The following USP8 variants were observed in gnomAD, a reference collection of about 807,000 sequenced individuals.
USP8 encodes ubiquitin specific peptidase 8, also known as ubiquitin carboxyl-terminal hydrolase 8.
Under a neutral mutation model 130.0 loss-of-function variants are expected in USP8, and 27 were observed. The ratio of observed to expected loss-of-function variants is 0.21; its 90% CI spans 0.15 to 0.29. The LOEUF is 0.29. Among genes scored for constraint, USP8 ranks in the 10% least tolerant of loss-of-function variants. The probability of loss-of-function intolerance (pLI) is 1.00; values close to 1 mark genes in which losing one functional copy is unlikely to be tolerated. For missense variants in USP8, 1,029 were observed against 1,312.2 expected, an observed-to-expected ratio of 0.78 and a Z score of 3.33; for synonymous variants, 392 against 444.1, an observed-to-expected ratio of 0.88 and a Z score of 1.48.
chr15:50,456,044 C>A (rs1252666978), intron 4 of USP8, among the ~76,000 whole-genome samples: 1 of 152,140 alleles, frequency 6.6e-6, no homozygotes, highest in Non-Finnish European at 1.5e-5. Flanking sequence ...TTTTCCAATG[C>A]CTTCAGGTAG....
intron 2 of USP8, among the ~76,000 whole-genome samples, chr15:50,439,822 ATAATAAT>A (rs1252344725): frequency 1.0e-4 from 13 of 127,994 alleles, no homozygotes; most frequent in African/African-American, 3.8e-4. Context: ...AATAATAATA[ATAATAAT>A]TTTTTTTTTC....
At chr15:50,433,338 A>G (rs1344157533) in intron 1 of USP8, among the ~76,000 whole-genome samples, 5 of 152,218 alleles carry the variant, frequency 3.3e-5, no homozygotes, top group Admixed American at 2.6e-4. Context: ...GAAGATACTT[A>G]TGTTGAGTAT....
intron 7 of USP8, among the ~76,000 whole-genome samples, chr15:50,471,153 G>A (rs2051363863): frequency 6.6e-6 from 1 of 152,168 alleles, no homozygotes; most frequent in Admixed American, 6.5e-5. Flanking sequence ...AGTTCAATGA[G>A]AATAAAGCAT....
chr15:50,485,220 C>T (rs2051913562), intron 12 of USP8, among the ~76,000 whole-genome samples: 2 of 151,850 alleles, frequency 1.3e-5, no homozygotes. Context: ...CCCAGGCAGG[C>T]AGATCACGAG....
At chr15:50,478,598 C>T (rs967335416) in intron 10 of USP8, among the ~76,000 whole-genome samples, 3 of 152,142 alleles carry the variant, frequency 2.0e-5, no homozygotes, top group Non-Finnish European at 4.4e-5. Flanking sequence ...GATTAAACAA[C>T]TTTTCTTAAA....
At chr15:50,438,932 GA>G (rs2050164838) in intron 1 of USP8, 76 bp from the exon 2 acceptor site, 2 of 581,464 alleles carry the variant, frequency 3.4e-6, no homozygotes, top group African/African-American at 1.9e-5. Context: ...TATGGTTTAG[GA>G]ATTTTTTTTT....
At chr15:50,498,540 A>G in intron 18 of USP8, 56 bp from the exon 19 acceptor site, 1 of 1,503,366 alleles carries the variant, frequency 6.7e-7, no homozygotes, top group Non-Finnish European at 8.9e-7. Context: ...TTAATGAATG[A>G]GGATTCATCC....
At position 50,506,750 on chromosome 15, in the gene USP8, G is replaced by C. The variant is rs1206314440; in HGVS notation, c.*7662G>C. On this transcript the variant is annotated 3_prime_UTR_variant, in exon 20 of 20. Coordinates refer to ENST00000307179, the MANE Select transcript of USP8 (RefSeq NM_005154.5). The stretch of plus-strand genomic sequence containing the variant: ...CGAGGGGGGCGGATCACGAGGTCAG[G>C]AGATCAAGACTATCCTGGCCAACAC... The C allele has an allele frequency of 6.6e-6, 1 of 151,570 alleles. No individual in the cohort carries two copies. Among genetic ancestry groups the C allele is most frequent in the South Asian group, 2.1e-4 (1 of 4,796 alleles). The allele number at this position is 151,570 out of a possible 1,614,324, so 9.4% of individuals were successfully genotyped here.
At chr15:50,468,816 C>T (rs1482242766) in intron 7 of USP8, among the ~76,000 whole-genome samples, 2 of 151,854 alleles carry the variant, frequency 1.3e-5, no homozygotes, top group African/African-American at 4.8e-5. Context: ...GTATATATAC[C>T]GAAGTACTCC....
At chr15:50,424,571 C>G (rs1183170291) in intron 1 of USP8, 57 bp downstream of exon 1, 2 of 398,318 alleles carry the variant, frequency 5.0e-6, no homozygotes, top group Non-Finnish European at 8.8e-6. Context: ...CCGCTGTGAA[C>G]GATGAACGCC....
At chr15:50,427,113 A>G (rs765123777) in intron 1 of USP8, among the ~76,000 whole-genome samples, 1 of 151,412 alleles carries the variant, frequency 6.6e-6, no homozygotes, top group Non-Finnish European at 1.5e-5. Flanking sequence ...TAATTTTTGT[A>G]TTTTTAGTAG....
chr15:50,484,175 C>T, intron 11 of USP8, 100 bp from the exon 12 acceptor site: 5 of 836,786 alleles, frequency 6.0e-6, no homozygotes, highest in Admixed American at 3.4e-5. Context: ...TCTCCTTTTA[C>T]ATTTTCATTC....
intron 3 of USP8, among the ~76,000 whole-genome samples, chr15:50,448,173 A>C (rs1334734436): frequency 6.6e-6 from 1 of 152,208 alleles, no homozygotes; most frequent in South Asian, 2.1e-4. Context: ...GCAGCTCTTC[A>C]TGACTGAGAG....
Position 50,484,311 on chromosome 15 carries a change from C to T in USP8, c.1840C>T (p.Leu614=), listed in dbSNP as rs745444234. Residue 614 remains leucine (L), a synonymous_variant, in exon 12 of 20, where the codon CTA becomes TTA. Coordinates refer to ENST00000307179, the MANE Select transcript of USP8 (RefSeq NM_005154.5). The stretch of plus-strand genomic sequence containing the variant: ...TAAAGGACAACCAGAAAGTGGAATT[C>T]TAAGGACAGGAACTTTTAGAGAGGA... ...KIKGQPESGI[L]RTGTFREDTD... is the part of the protein sequence containing the mutation. 9.3e-6 allele frequency: 15 copies of T among 1,611,502 alleles called. No homozygotes were observed. The highest frequency in any genetic ancestry group is 1.3e-5 in the Non-Finnish European group (15 of 1,179,074).
chr15:50,483,570 G>A (rs374841080), intron 11 of USP8, among the ~76,000 whole-genome samples: 2 of 152,154 alleles, frequency 1.3e-5, no homozygotes, highest in Admixed American at 6.5e-5. Flanking sequence ...CTAGACGAGC[G>A]GATCACTTGG....
At chr15:50,446,237 A>G (rs1335375425) in intron 3 of USP8, among the ~76,000 whole-genome samples, 1 of 152,192 alleles carries the variant, frequency 6.6e-6, no homozygotes, top group East Asian at 1.9e-4. Flanking sequence ...GTCAATTATC[A>G]TACTATTGAA....
rs764714215 is a variant in USP8, at chr15:50,494,195, A to G, written c.2573A>G (p.Asn858Ser). 12 of 1,613,904 alleles carry G rather than the reference A, an allele frequency of 7.4e-6. No individual in the cohort carries two copies. Among genetic ancestry groups the G allele is most frequent in the South Asian group, 2.2e-5 (2 of 91,058 alleles). ...KDFKITIGKI[N>S]DQFAGYSQQD... ...TTTAAAATCACCATTGGGAAGATCA[A>G]TGACCAGTTTGCAGGATACAGTCAG... The change falls in exon 16 of 20, where the codon AAT (asparagine) becomes AGT (serine). Residue 858 changes from asparagine (N) to serine (S), a missense_variant. By Grantham distance (46) the Asn-to-Ser change is conservative. This residue lies in a region of USP8 where 257 missense variants were observed against 429.8 expected (regional missense o/e 0.60). Coordinates refer to ENST00000307179, the MANE Select transcript of USP8 (RefSeq NM_005154.5).
At chr15:50,493,826 A>G in intron 15 of USP8, 1 of 648,750 alleles carries the variant, frequency 1.5e-6, no homozygotes, top group South Asian at 1.5e-5. Context: ...CCTCGCTGTC[A>G]TGAACTGGAG....
chr15:50,448,051 G>A (rs1256131260), intron 3 of USP8, among the ~76,000 whole-genome samples: 1 of 152,006 alleles, frequency 6.6e-6, no homozygotes, highest in Non-Finnish European at 1.5e-5. Flanking sequence ...CCTACTGTTA[G>A]TTTTGATCTG....
Sources: allele counts gnomAD v4.1 joint callset (sites outside exome capture counted in the v4.1 genomes callset), GRCh38; gene constraint gnomAD v4.1.1; regional missense constraint gnomAD v4.1.1; transcripts MANE v1.5; gene names NCBI Gene and HGNC (gene_info 2026-07-23, HGNC 2026-07-21).